The following POFUT3 variants were observed in gnomAD, a reference collection of about 807,000 sequenced individuals.
POFUT3 encodes the protein GDP-fucose protein O-fucosyltransferase 3.
At chr8:33,341,434 C>CAAAAAAAAAA in the POFUT3 span, among the ~76,000 whole-genome samples, 2 of 52,368 alleles carry the variant, frequency 3.8e-5, no homozygotes, top group African/African-American at 7.1e-5. Flanking sequence ...GACTCCATCT[C>CAAAAAAAAAA]AAAAAAAAAA....
chr8:33,432,575 G>A, the POFUT3 span, among the ~76,000 whole-genome samples: 1 of 152,114 alleles, frequency 6.6e-6, no homozygotes, highest in African/African-American at 2.4e-5. Flanking sequence ...TATGTGAATT[G>A]TTCACAGTTA....
At chr8:33,439,256 A>T in the POFUT3 span, among the ~76,000 whole-genome samples, 2 of 152,120 alleles carry the variant, frequency 1.3e-5, no homozygotes, top group African/African-American at 4.8e-5. Context: ...ACAAAAAATT[A>T]GCCGGGCATG....
At chr8:33,380,061 TAC>T in the POFUT3 span, among the ~76,000 whole-genome samples, 2,452 of 63,496 alleles carry the variant, frequency 0.039, 606 homozygotes, top group South Asian at 0.13. Context: ...ACTATATATA[TAC>T]ACTATATATA....
chr8:33,472,387 T>A, the POFUT3 span, among the ~76,000 whole-genome samples: 1 of 152,300 alleles, frequency 6.6e-6, no homozygotes, highest in Non-Finnish European at 1.5e-5. Context: ...GAAAATGTCA[T>A]AAAATCACAG....
chr8:33,363,305 C>A, the POFUT3 span, among the ~76,000 whole-genome samples: 1 of 152,142 alleles, frequency 6.6e-6, no homozygotes, highest in Non-Finnish European at 1.5e-5. Flanking sequence ...TAAATGCCCA[C>A]TAGAGAAAGC....
the POFUT3 span, chr8:33,436,368 A>T: frequency 7.3e-7 from 1 of 1,372,638 alleles, no homozygotes. Flanking sequence ...ATCATCTTTC[A>T]TGATGTCACA....
chr8:33,469,134 C>T, the POFUT3 span, among the ~76,000 whole-genome samples: 9 of 152,102 alleles, frequency 5.9e-5, no homozygotes, highest in South Asian at 8.3e-4. Context: ...GACAAAACCC[C>T]GTCTCTACTA....
chr8:33,395,205 G>A, the POFUT3 span, among the ~76,000 whole-genome samples: 2 of 152,112 alleles, frequency 1.3e-5, no homozygotes, highest in Non-Finnish European at 2.9e-5. Context: ...TGGACCCTCG[G>A]CCCTAAATGA....
the POFUT3 span, among the ~76,000 whole-genome samples, chr8:33,468,418 G>GT: frequency 6.6e-6 from 1 of 151,938 alleles, no homozygotes; most frequent in African/African-American, 2.4e-5. Flanking sequence ...TAAGCTAGAG[G>GT]TAATACCAAG....
chr8:33,435,925 C>A, the POFUT3 span, among the ~76,000 whole-genome samples: 6 of 151,658 alleles, frequency 4.0e-5, no homozygotes, highest in African/African-American at 1.2e-4. Context: ...AGCCTTTGGA[C>A]CAAAAAAAGA....
At chr8:33,360,378 G>C in the POFUT3 span, among the ~76,000 whole-genome samples, 1 of 151,794 alleles carries the variant, frequency 6.6e-6, no homozygotes. Flanking sequence ...CCCAGGAGGC[G>C]GAGCTTGCAG....
chr8:33,373,911 C>T, the POFUT3 span, among the ~76,000 whole-genome samples: 19 of 152,270 alleles, frequency 1.2e-4, no homozygotes, highest in East Asian at 2.9e-3. Context: ...CACATACCAC[C>T]TGAACCAAGC....
the POFUT3 span, among the ~76,000 whole-genome samples, chr8:33,423,006 G>A: frequency 2.6e-5 from 4 of 152,020 alleles, no homozygotes; most frequent in African/African-American, 7.2e-5. Flanking sequence ...TTGTAAAGAC[G>A]GGGTCTTGCC....
the POFUT3 span, among the ~76,000 whole-genome samples, chr8:33,355,661 A>AT: frequency 0.023 from 3,430 of 149,302 alleles, 322 homozygotes; most frequent in Admixed American, 0.16. Flanking sequence ...CAACACATTT[A>AT]TTTTTTTTTT....
the POFUT3 span, among the ~76,000 whole-genome samples, chr8:33,468,499 T>C: frequency 1.3e-5 from 2 of 152,122 alleles, no homozygotes; most frequent in East Asian, 3.9e-4. Flanking sequence ...ATGTATCAAA[T>C]AGGTTTGACT....
chr8:33,400,168 G>A, the POFUT3 span, among the ~76,000 whole-genome samples: 1 of 149,232 alleles, frequency 6.7e-6, no homozygotes, highest in Non-Finnish European at 1.5e-5. Flanking sequence ...GGGGTGGGGA[G>A]GGGCCAGGCG....
chr8:33,389,305 A>G, the POFUT3 span: 9 of 1,614,140 alleles, frequency 5.6e-6, no homozygotes, highest in South Asian at 8.8e-5. Context: ...AGAACTTCTC[A>G]GTGATGTAGT....
the POFUT3 span, among the ~76,000 whole-genome samples, chr8:33,459,592 G>A: frequency 6.6e-6 from 1 of 150,562 alleles, no homozygotes; most frequent in East Asian, 2.0e-4. Context: ...GCAGTGAGCC[G>A]AGATCATGCC....
the POFUT3 span, among the ~76,000 whole-genome samples, chr8:33,317,444 C>A: frequency 6.6e-6 from 1 of 152,106 alleles, no homozygotes; most frequent in Non-Finnish European, 1.5e-5. Context: ...ACTTCCATAG[C>A]CAATCAGAAA....
Sources: allele counts gnomAD v4.1 joint callset (sites outside exome capture counted in the v4.1 genomes callset), GRCh38; gene constraint gnomAD v4.1.1; transcripts MANE v1.5; gene names NCBI Gene and HGNC (gene_info 2026-07-23, HGNC 2026-07-21).